The following APBA2 variants were observed in gnomAD, a reference collection of about 807,000 sequenced individuals.
APBA2 encodes the protein amyloid-beta A4 precursor protein-binding family A member 2.
Under a neutral mutation model 75.0 loss-of-function variants are expected in APBA2, and 30 were observed. The observed-to-expected ratio is 0.40, with a 90% CI of 0.30 to 0.54. APBA2 has a LOEUF of 0.54. APBA2 is among the 20% of genes least tolerant of loss of function. APBA2 has a pLI of 0.49. For synonymous variants in APBA2, 444 were observed against 409.6 expected (o/e 1.08, Z -1.01); for missense variants, 801 against 1,016.1 (o/e 0.79, Z 2.88).
At chr15:28,926,248 TTC>T (rs1236043309) in intron 2 of APBA2, among the ~76,000 whole-genome samples, 1 of 152,208 alleles carries the variant, frequency 6.6e-6, no homozygotes, top group African/African-American at 2.4e-5. Flanking sequence ...AGACTTCTTT[TTC>T]TCTCTCCTCT....
At chr15:28,981,496 C>CA (rs569246660) in intron 2 of APBA2, among the ~76,000 whole-genome samples, 16 of 151,400 alleles carry the variant, frequency 1.1e-4, no homozygotes, top group South Asian at 2.1e-4. Flanking sequence ...TTTTCAAAAG[C>CA]AAAAAAAATA....
chr15:29,050,943 G>A (rs1336818927), intron 3 of APBA2, among the ~76,000 whole-genome samples: 2 of 150,806 alleles, frequency 1.3e-5, no homozygotes, highest in African/African-American at 5.0e-5. Context: ...GTGCTCATGT[G>A]CCAGTGATGT....
At chr15:29,009,897 C>T (rs78139696) in intron 3 of APBA2, among the ~76,000 whole-genome samples, 4,508 of 152,212 alleles carry the variant, frequency 0.03, 202 homozygotes, top group African/African-American at 0.095. Flanking sequence ...CACATGATTG[C>T]ATTTCTATTG....
chr15:29,115,979 G>A (rs111354367), intron 14 of APBA2, among the ~76,000 whole-genome samples: 1 of 152,274 alleles, frequency 6.6e-6, no homozygotes, highest in African/African-American at 2.4e-5. Flanking sequence ...CCCCCCATCC[G>A]GAGGCCGCAG....
chr15:29,020,659 A>C (rs1312323990), intron 3 of APBA2, among the ~76,000 whole-genome samples: 1 of 152,008 alleles, frequency 6.6e-6, no homozygotes, highest in Non-Finnish European at 1.5e-5. Context: ...TACAAAAAAA[A>C]ATTAGCTGGG....
At chr15:29,109,726 C>T (rs961332545) in intron 13 of APBA2, among the ~76,000 whole-genome samples, 1 of 152,222 alleles carries the variant, frequency 6.6e-6, no homozygotes, top group Non-Finnish European at 1.5e-5. Context: ...TCGCCAGCGT[C>T]AGCCATACCT....
In APBA2 at chr15:28,948,245, C is replaced by G. The variant is rs868168136; in HGVS notation, c.-95+26496C>G. ...TGGGTCACCAGCTCCTAAGAGGGGC[C>G]CTTTGGGCTGAGGCCACGGCGCTTT... On this transcript the variant is annotated intron_variant, in intron 2 of 14. Coordinates refer to ENST00000683413, the MANE Select transcript of APBA2 (RefSeq NM_001353788.2). Among the ~76,000 whole-genome samples the G allele has an allele frequency of 5.9e-5, 9 of 152,188 alleles. 1 individual carries two copies. In the South Asian group the frequency reaches 1.7e-3, roughly 28 times the overall value.
intron 9 of APBA2, among the ~76,000 whole-genome samples, chr15:29,099,122 G>C (rs1352393627): frequency 1.3e-5 from 2 of 152,140 alleles, no homozygotes; most frequent in Admixed American, 1.3e-4. Flanking sequence ...AGGTGCCAGG[G>C]CTCAGGCACT....
intron 2 of APBA2, among the ~76,000 whole-genome samples, chr15:28,983,326 T>A (rs1347622881): frequency 1.3e-5 from 2 of 152,194 alleles, no homozygotes; most frequent in Non-Finnish European, 2.9e-5. Flanking sequence ...GCCTTCATTT[T>A]CCAGACGAAA....
chr15:29,101,831 C>T (rs761310009), intron 10 of APBA2, 47 bp downstream of exon 10: 5 of 1,588,508 alleles, frequency 3.1e-6, no homozygotes, highest in Admixed American at 3.5e-5. Context: ...GTTCACAGCC[C>T]AGGGCGGCTC....
intron 1 of APBA2, among the ~76,000 whole-genome samples, chr15:28,887,143 A>T (rs2031797494): frequency 6.6e-6 from 1 of 152,218 alleles, no homozygotes; most frequent in African/African-American, 2.4e-5. Context: ...TTTCAGATCT[A>T]TTCAGATACG....
chr15:28,927,066 G>A (rs930686148), intron 2 of APBA2, among the ~76,000 whole-genome samples: 3 of 151,734 alleles, frequency 2.0e-5, no homozygotes, highest in Non-Finnish European at 4.4e-5. Flanking sequence ...CATGTTGTCC[G>A]TGGCTGGTCT....
At chr15:28,893,795 CT>C (rs758039748) in intron 1 of APBA2, 1 of 152,194 alleles carries the variant, frequency 6.6e-6, no homozygotes, top group Non-Finnish European at 1.5e-5. Context: ...CTGATTATGT[CT>C]CTCCCTTGGG....
chr15:29,066,249 C>CT (rs1381730098), intron 4 of APBA2, among the ~76,000 whole-genome samples: 2 of 152,326 alleles, frequency 1.3e-5, no homozygotes, highest in African/African-American at 4.8e-5. Context: ...TCAAAACCCA[C>CT]TCCACAGGCA....
chr15:28,928,260 C>T (rs906490180), intron 2 of APBA2, among the ~76,000 whole-genome samples: 1 of 151,822 alleles, frequency 6.6e-6, no homozygotes, highest in Non-Finnish European at 1.5e-5. Flanking sequence ...AGGCCTTTAA[C>T]GTGAGGTTTT....
At chr15:28,984,487 G>A (rs1309057428) in intron 2 of APBA2, among the ~76,000 whole-genome samples, 1 of 152,026 alleles carries the variant, frequency 6.6e-6, no homozygotes, top group Non-Finnish European at 1.5e-5. Flanking sequence ...TCAGCTTCCA[G>A]CCCCCTGACT....
chr15:28,931,246 C>T (rs2034548171), intron 2 of APBA2, among the ~76,000 whole-genome samples: 1 of 152,196 alleles, frequency 6.6e-6, no homozygotes, highest in African/African-American at 2.4e-5. Context: ...GCCCTCAGGG[C>T]AGCAGGACAG....
At chr15:28,957,356 G>A (rs1301504208) in intron 2 of APBA2, among the ~76,000 whole-genome samples, 3 of 152,164 alleles carry the variant, frequency 2.0e-5, no homozygotes, top group Non-Finnish European at 4.4e-5. Context: ...ATTGATTACA[G>A]GCGTGAGCTA....
chr15:28,994,461 C>T (rs61298076), intron 2 of APBA2, among the ~76,000 whole-genome samples: 12,002 of 152,188 alleles, frequency 0.079, 650 homozygotes, highest in East Asian at 0.27. Context: ...GCACCATAGC[C>T]TGGGAAAGAA....
Sources: gnomAD v4.1 joint callset for allele counts (sites outside exome capture counted in the v4.1 genomes callset) on GRCh38, gnomAD v4.1.1 for gene constraint, MANE v1.5 for transcripts, NCBI Gene and HGNC (gene_info 2026-07-23, HGNC 2026-07-21) for gene names.